Variants in PRDM11 observed in about 807,000 individuals in gnomAD.
PRDM11 encodes the protein PR/SET domain 11, also known as PR domain-containing protein 11.
Under a neutral mutation model 97.8 loss-of-function variants are expected in PRDM11, and 20 were observed. The observed-to-expected ratio is 0.20, with a 90% confidence interval of 0.14 to 0.30. The LOEUF is 0.30. Among genes scored for constraint, PRDM11 ranks in the 10% least tolerant of loss-of-function variants. The probability of loss-of-function intolerance (pLI) is 1.00; values close to 1 mark genes in which losing one functional copy is unlikely to be tolerated. For synonymous variants in PRDM11, 599 were observed against 637.7 expected (o/e 0.94, Z 0.91); for missense variants, 1,139 against 1,555.2 (o/e 0.73, Z 4.50).
intron 1 of PRDM11, among the ~76,000 whole-genome samples, chr11:45,106,351 T>C (rs1420744963): frequency 8.5e-5 from 13 of 152,166 alleles, no homozygotes; most frequent in Admixed American, 8.5e-4. Context: ...GGTGCAGGGA[T>C]TGGTTTCCTG....
chr11:45,201,815 C>T (rs892010541), intron 4 of PRDM11, among the ~76,000 whole-genome samples: 1 of 151,764 alleles, frequency 6.6e-6, no homozygotes, highest in Non-Finnish European at 1.5e-5. Context: ...AAAAAAAACA[C>T]AAAAAAAATT....
intron 1 of PRDM11, among the ~76,000 whole-genome samples, chr11:45,110,739 G>C (rs1328493252): frequency 6.6e-6 from 1 of 152,190 alleles, no homozygotes; most frequent in Non-Finnish European, 1.5e-5. Context: ...GGTGCAAGGA[G>C]CTTCACATCC....
intron 6 of PRDM11, among the ~76,000 whole-genome samples, 198 bp from the exon 7 acceptor site, chr11:45,224,019 T>C (rs1354514436): frequency 6.6e-6 from 1 of 152,232 alleles, no homozygotes; most frequent in African/African-American, 2.4e-5. Flanking sequence ...AAAAGGTCTT[T>C]CCACCGTTCA....
chr11:45,169,116 G>A (rs992851178), intron 1 of PRDM11, among the ~76,000 whole-genome samples: 3 of 152,020 alleles, frequency 2.0e-5, no homozygotes, highest in African/African-American at 7.3e-5. Context: ...AGGCAACCTG[G>A]GACTTGTATT....
At chr11:45,122,236 C>CACACAGAG (rs570495237) in intron 1 of PRDM11, among the ~76,000 whole-genome samples, 182 of 144,630 alleles carry the variant, frequency 1.3e-3, no homozygotes, top group Non-Finnish European at 2.0e-3. Flanking sequence ...CACACACACA[C>CACACAGAG]AGAGAGAAAC....
chr11:45,198,106 G>A (rs559597784), intron 4 of PRDM11, among the ~76,000 whole-genome samples: 1 of 152,296 alleles, frequency 6.6e-6, no homozygotes, highest in African/African-American at 2.4e-5. Flanking sequence ...GTTAAATCAT[G>A]GTTCTTGAGC....
intron 4 of PRDM11, among the ~76,000 whole-genome samples, 170 bp downstream of exon 4, chr11:45,183,293 G>A (rs770545324): frequency 2.0e-5 from 3 of 152,176 alleles, no homozygotes; most frequent in Non-Finnish European, 2.9e-5. Flanking sequence ...TGGCTGCAAC[G>A]CTTGGTGTCC....
chr11:45,223,469 A>G (rs534486653), intron 6 of PRDM11, among the ~76,000 whole-genome samples: 1 of 152,216 alleles, frequency 6.6e-6, no homozygotes, highest in African/African-American at 2.4e-5. Flanking sequence ...GTGAGGAGAC[A>G]TGGCTATATT....
At chr11:45,202,729 T>G (rs2135791787) in intron 4 of PRDM11, among the ~76,000 whole-genome samples, 1 of 149,254 alleles carries the variant, frequency 6.7e-6, no homozygotes, top group South Asian at 2.2e-4. Flanking sequence ...TCTCAGCATT[T>G]TCTTGAAGCA....
chr11:45,103,127 G>C (rs1314383047), intron 1 of PRDM11, among the ~76,000 whole-genome samples: 1 of 152,170 alleles, frequency 6.6e-6, no homozygotes, highest in African/African-American at 2.4e-5. Flanking sequence ...GTCATCACTG[G>C]ACAGTTGCCT....
chr11:45,226,549 C>T lies in PRDM11; in HGVS notation c.1924C>T (p.Arg642Trp), dbSNP rs756266802. The part of the protein sequence containing the change: ...DCQILIHHIA[R>W]ALREDLVERI... ...CCAGATCCTCATCCATCACATCGCC[C>T]GGGCCCTGCGGGAAGACCTGGTGGA... Residue 642 changes from arginine (R) to tryptophan (W), a missense_variant, in exon 8 of 8, where the codon CGG (arginine) becomes TGG (tryptophan). Arg to Trp is a moderately radical substitution (Grantham distance 101, BLOSUM62 -3). This residue lies in a region of PRDM11 where 710 missense variants were observed against 1,044.9 expected (regional missense o/e 0.68). Transcript: ENST00000683152. 95 of 1,533,816 alleles carry T rather than the reference C, an allele frequency of 6.2e-5. No individual in the cohort carries two copies. Among genetic ancestry groups the T allele is most frequent in the Non-Finnish European group, 7.9e-5 (91 of 1,146,746 alleles).
upstream of PRDM11, chr11:45,095,689 G>C (rs1851879325): frequency 1.5e-6 from 1 of 651,720 alleles, no homozygotes; most frequent in South Asian, 1.8e-5. Flanking sequence ...TGTCCTCTTG[G>C]GGAAAGGCAT....
At chr11:45,149,688 A>G (rs979412777) in intron 1 of PRDM11, among the ~76,000 whole-genome samples, 1 of 152,246 alleles carries the variant, frequency 6.6e-6, no homozygotes, top group African/African-American at 2.4e-5. Context: ...TCCCTGTGGC[A>G]TGGCAACTGG....
chr11:45,200,872 G>A (rs1853302079), intron 4 of PRDM11, among the ~76,000 whole-genome samples: 1 of 152,182 alleles, frequency 6.6e-6, no homozygotes, highest in African/African-American at 2.4e-5. Context: ...AAGCATCCCT[G>A]CTTCCCTCTT....
At chr11:45,200,121 G>A (rs1257871366) in intron 4 of PRDM11, among the ~76,000 whole-genome samples, 1 of 152,218 alleles carries the variant, frequency 6.6e-6, no homozygotes, top group East Asian at 1.9e-4. Flanking sequence ...TTTGTTGGTT[G>A]AATGAATGAA....
At chr11:45,106,083 C>T (rs1852056850) in intron 1 of PRDM11, among the ~76,000 whole-genome samples, 2 of 152,190 alleles carry the variant, frequency 1.3e-5, no homozygotes, top group Admixed American at 1.3e-4. Context: ...CTCACCCACG[C>T]CTGAACTTCC....
rs372437355 is a variant in PRDM11 at position 45,219,654 on chromosome 11, G to T, written c.639G>T (p.Arg213Ser). 3 of 1,614,110 alleles carry T rather than the reference G, an allele frequency of 1.9e-6. No individual in the cohort carries two copies. In the African/African-American group the frequency reaches 4.0e-5, roughly 22 times the overall value. Residue 213 changes from arginine (R) to serine (S), a missense_variant, in exon 6 of 8, where the codon AGG becomes AGT. Physicochemically the swap from Arg to Ser is moderately radical, Grantham distance 110. Transcript: ENST00000683152. The surrounding 1 kb of genome is among the most constrained non-coding windows in gnomAD (Gnocchi z 4.2). ...AGCGCATCTACTTCCGGGCGTGCAG[G>T]GACATCCGGCCTGGGGAGTGGCTGC... is the stretch of plus-strand genomic sequence containing the variant. The part of the protein sequence containing the change: ...HSERIYFRAC[R>S]DIRPGEWLRV...
At chr11:45,115,646 C>G (rs995975159) in intron 1 of PRDM11, among the ~76,000 whole-genome samples, 1 of 152,190 alleles carries the variant, frequency 6.6e-6, no homozygotes, top group African/African-American at 2.4e-5. Context: ...AAAGCTAGAG[C>G]AGGCCAGGTG....
intron 4 of PRDM11, among the ~76,000 whole-genome samples, chr11:45,191,164 T>A (rs958590702): frequency 1.3e-5 from 2 of 152,214 alleles, no homozygotes; most frequent in East Asian, 3.8e-4. Flanking sequence ...TTTTGAAAAG[T>A]TCAGGCTAGT....
Sources: gnomAD v4.1 joint callset for allele counts (sites outside exome capture counted in the v4.1 genomes callset) on GRCh38, gnomAD v4.1.1 for gene constraint, gnomAD v4.1.1 regional missense constraint, Gnocchi (gnomAD v3.1) non-coding constraint, MANE v1.5 for transcripts, NCBI Gene and HGNC (gene_info 2026-07-23, HGNC 2026-07-21) for gene names.